Variants in DACH2 observed in about 807,000 individuals in gnomAD.
The protein encoded by DACH2 is dachshund homolog 2.
DACH2 carries 17 observed loss-of-function variants against 35.8 expected under a neutral mutation model. The ratio of observed to expected loss-of-function variants is 0.48; its 90% confidence interval spans 0.33 to 0.71. The LOEUF is 0.71. Among genes scored for constraint, DACH2 ranks in the 30% least tolerant of loss-of-function variants. The pLI is 0.02. For synonymous variants in DACH2, 195 were observed against 177.3 expected (o/e 1.10, Z -0.79); for missense variants, 469 against 472.7 (o/e 0.99, Z 0.07).
At chrX:86,538,649 C>A (rs779539928) in intron 3 of DACH2, among the ~76,000 whole-genome samples, 7 of 111,400 alleles carry the variant, frequency 6.3e-5, no homozygotes, top group East Asian at 2.9e-4. Context: ...CAAGAGAGGA[C>A]AAGAGAGCAA....
intron 1 of DACH2, among the ~76,000 whole-genome samples, chrX:86,345,736 G>C (rs2035485297): frequency 9.0e-6 from 1 of 111,588 alleles, no homozygotes; most frequent in Non-Finnish European, 1.9e-5. Context: ...CATGTCTCCT[G>C]TTTACCCAAG....
chrX:86,402,280 A>G (rs2036448270), intron 2 of DACH2, among the ~76,000 whole-genome samples: 1 of 112,187 alleles, frequency 8.9e-6, no homozygotes, highest in Admixed American at 9.5e-5. Flanking sequence ...TTATACATTG[A>G]AAACTCTAAA....
chrX:86,406,710 G>C (rs765813681), intron 2 of DACH2, among the ~76,000 whole-genome samples: 7 of 111,952 alleles, frequency 6.3e-5, no homozygotes, highest in African/African-American at 2.3e-4. Context: ...AGCAAGCTTT[G>C]AACTGAGTGC....
intron 2 of DACH2, among the ~76,000 whole-genome samples, chrX:86,462,598 CA>C (rs2037594724): frequency 9.0e-6 from 1 of 111,418 alleles, no homozygotes; most frequent in African/African-American, 3.3e-5. Flanking sequence ...ATCATCAATA[CA>C]GGCTGTTTTC....
At chrX:86,804,974 G>T (rs1465301457) in intron 7 of DACH2, among the ~76,000 whole-genome samples, 1 of 112,153 alleles carries the variant, frequency 8.9e-6, no homozygotes, top group Admixed American at 9.4e-5. Context: ...GCAGGCTGTT[G>T]GTGAATCCAT....
intron 1 of DACH2, among the ~76,000 whole-genome samples, chrX:86,233,312 A>G (rs950875085): frequency 6.3e-5 from 7 of 111,832 alleles, no homozygotes; most frequent in African/African-American, 2.3e-4. Flanking sequence ...TATATAACAA[A>G]CCTGCACATG....
intron 4 of DACH2, among the ~76,000 whole-genome samples, chrX:86,690,911 T>C (rs186472977): frequency 2.5e-4 from 28 of 111,785 alleles, no homozygotes; most frequent in African/African-American, 9.1e-4. Context: ...TTTTACTAAA[T>C]ATTGTGCTAA....
chrX:86,276,691 G>A (rs566207210), intron 1 of DACH2, among the ~76,000 whole-genome samples: 31 of 111,695 alleles, frequency 2.8e-4, no homozygotes, highest in African/African-American at 8.1e-4. Flanking sequence ...TAATCATTTC[G>A]ATTTCATTTT....
At chrX:86,285,982 G>A (rs190872267) in intron 1 of DACH2, among the ~76,000 whole-genome samples, 2 of 37,195 alleles carry the variant, frequency 5.4e-5, no homozygotes, top group Non-Finnish European at 9.2e-5. Context: ...AGGTACTCAT[G>A]CTCTTTTTTG....
intron 1 of DACH2, among the ~76,000 whole-genome samples, chrX:86,309,833 C>G (rs1237875590): frequency 8.9e-6 from 1 of 112,162 alleles, no homozygotes; most frequent in Non-Finnish European, 1.9e-5. Flanking sequence ...TTACTCCAGA[C>G]CATTTACTCA....
intron 2 of DACH2, among the ~76,000 whole-genome samples, chrX:86,384,230 T>G (rs181765933): frequency 1.8e-5 from 2 of 111,142 alleles, no homozygotes; most frequent in Non-Finnish European, 3.8e-5. Context: ...CCTATTATTG[T>G]GCAATGGGGA....
At chrX:86,821,345 A>G (rs2042510100) in intron 11 of DACH2, among the ~76,000 whole-genome samples, 1 of 111,083 alleles carries the variant, frequency 9.0e-6, no homozygotes, top group Non-Finnish European at 1.9e-5. Flanking sequence ...TTTTCTTTTA[A>G]ATGCTTCCTT....
rs151137250 is a variant in DACH2, at chrX:86,317,621, T to C, written c.489-59203T>C. On this transcript the variant is annotated intron_variant, in intron 1 of 11. Coordinates refer to ENST00000373125, the MANE Select transcript of DACH2 (RefSeq NM_053281.3). Reference sequence around the variant, plus strand: ...ACTGAGCTGTTTGCAAAATAAACTTTAGTCTTATACTTGTCCTGATTATTT... The same window carrying C: ...ACTGAGCTGTTTGCAAAATAAACTTCAGTCTTATACTTGTCCTGATTATTT... Among the ~76,000 whole-genome samples, 252 of 112,333 alleles carry C rather than the reference T, an allele frequency of 2.2e-3. 1 individual carries two copies. The highest frequency in any genetic ancestry group is 7.7e-3 in the African/African-American group (237 of 30,966).
At chrX:86,428,487 G>A (rs370067962) in intron 2 of DACH2, among the ~76,000 whole-genome samples, 2 of 111,662 alleles carry the variant, frequency 1.8e-5, no homozygotes, top group East Asian at 5.6e-4. Flanking sequence ...TGCTTCAGAC[G>A]GATGACTAAT....
chrX:86,706,075 G>T (rs2041213211), intron 5 of DACH2, among the ~76,000 whole-genome samples: 1 of 110,791 alleles, frequency 9.0e-6, no homozygotes, highest in Non-Finnish European at 1.9e-5. Flanking sequence ...TGGTATAATG[G>T]ACATTGTAGA....
intron 2 of DACH2, among the ~76,000 whole-genome samples, chrX:86,397,397 A>G (rs1331667848): frequency 9.0e-6 from 1 of 111,042 alleles, no homozygotes; most frequent in African/African-American, 3.3e-5. Context: ...TCTCTTGCCT[A>G]ATTGCCCTGG....
chrX:86,556,795 T>TAGAGAGAGAGAGAG (rs1194704943), intron 3 of DACH2, among the ~76,000 whole-genome samples: 8 of 25,290 alleles, frequency 3.2e-4, no homozygotes, highest in East Asian at 1.7e-3. Context: ...TATATATATA[T>TAGAGAGAGAGAGAG]AGAGAGAGAG....
intron 1 of DACH2, among the ~76,000 whole-genome samples, chrX:86,267,266 C>A: frequency 9.5e-6 from 1 of 104,720 alleles, no homozygotes; most frequent in Non-Finnish European, 1.9e-5. Flanking sequence ...TTATTGGAAG[C>A]TCCTATATTG....
intron 3 of DACH2, among the ~76,000 whole-genome samples, chrX:86,620,530 C>A (rs1373691355): frequency 9.0e-6 from 1 of 111,613 alleles, no homozygotes; most frequent in Admixed American, 9.6e-5. Flanking sequence ...CATATTGGTC[C>A]ATTTTCTCTC....
Sources: gnomAD v4.1 joint callset for allele counts (sites outside exome capture counted in the v4.1 genomes callset) on GRCh38, gnomAD v4.1.1 for gene constraint, MANE v1.5 for transcripts, NCBI Gene and HGNC (gene_info 2026-07-23, HGNC 2026-07-21) for gene names.